Variants in KCNQ2 observed in about 807,000 individuals in gnomAD.
KCNQ2 encodes potassium voltage-gated channel subfamily Q member 2, also known as potassium voltage-gated channel subfamily KQT member 2.
KCNQ2 carries 14 observed loss-of-function variants against 84.8 expected under a neutral mutation model. That is an observed-to-expected ratio of 0.17 (90% CI 0.11 to 0.26). The LOEUF (loss-of-function observed/expected upper bound fraction) is 0.26. Among genes scored for constraint, KCNQ2 ranks in the 10% least tolerant of loss-of-function variants. KCNQ2 has a pLI of 1.00. For missense variants in KCNQ2, 788 were observed against 1,254.0 expected, an observed-to-expected ratio of 0.63 and a Z score of 5.61; for synonymous variants, 599 against 554.1, an observed-to-expected ratio of 1.08 and a Z score of -1.14.
In KCNQ2 at chr20:63,472,488, G is replaced by C. The variant is rs1469956651; in HGVS notation, c.-25C>G. On this transcript the variant is annotated 5_prime_UTR_variant, in exon 1 of 17. Transcript: ENST00000359125. ...TGGTGCCTGGCGGGAGGCGCCCCGG[G>C]TCGGGCTCAGGCTCAGCGGGGGCGG... The C allele has an allele frequency of 1.3e-6, 2 of 1,485,510 alleles. No individual in the cohort carries two copies. The highest frequency in any genetic ancestry group is 1.8e-6 in the Non-Finnish European group (2 of 1,123,676). The allele number at this position is 1,485,510 out of a possible 1,614,324, so 92.0% of individuals were successfully genotyped here. A position where few individuals can be genotyped will look rare whatever the true frequency, so the allele number is the denominator to read the frequency against.
intron 5 of KCNQ2, 50 bp downstream of exon 5, chr20:63,442,356 A>T: frequency 6.2e-7 from 1 of 1,613,380 alleles, no homozygotes; most frequent in Non-Finnish European, 8.5e-7. Context: ...CAGCACAGGG[A>T]CAGGGGTGTA....
At chr20:63,431,242 G>A in intron 9 of KCNQ2, 98 bp downstream of exon 9, 2 of 1,370,884 alleles carry the variant, frequency 1.5e-6, no homozygotes, top group Non-Finnish European at 2.1e-6. Context: ...CTGCAGACCG[G>A]GTGGGCCACG....
chr20:63,406,383 A>C lies in KCNQ2; in HGVS notation c.*261T>G. 2.0e-6 allele frequency: 1 copy of C among 508,736 alleles called. No individual in the cohort carries two copies. The highest frequency in any genetic ancestry group is 3.4e-5 in the Admixed American group (1 of 29,624). 31.5% of individuals were successfully genotyped at this position (508,736 alleles called of 1,614,324 possible). On this transcript the variant is annotated 3_prime_UTR_variant, in exon 17 of 17. Transcript: ENST00000359125. Reference sequence around the variant, plus strand: ...TCGGCCGCGGCCCTGAGCAGAGTGGACAGGGCAGCCTTGCTCCTGCACGCT... The same window carrying C: ...TCGGCCGCGGCCCTGAGCAGAGTGGCCAGGGCAGCCTTGCTCCTGCACGCT...
At chr20:63,453,416 T>C (rs1332734092) in intron 1 of KCNQ2, among the ~76,000 whole-genome samples, 3 of 152,260 alleles carry the variant, frequency 2.0e-5, no homozygotes, top group African/African-American at 7.2e-5. Flanking sequence ...CCTGTGCTCG[T>C]TGGCCAAGTT....
intron 10 of KCNQ2, 144 bp downstream of exon 10, chr20:63,428,220 GCAC>G: frequency 1.5e-6 from 1 of 670,858 alleles, no homozygotes; most frequent in East Asian, 2.7e-5. Context: ...AAAAGAGAAA[GCAC>G]CACCATCACC....
chr20:63,455,683 C>A (rs1236736835), intron 1 of KCNQ2, among the ~76,000 whole-genome samples: 2 of 152,078 alleles, frequency 1.3e-5, no homozygotes, highest in African/African-American at 4.8e-5. Context: ...GCCCCCACCG[C>A]CCAGTTAAGG....
chr20:63,429,350 C>T (rs147302109), intron 9 of KCNQ2, among the ~76,000 whole-genome samples: 1 of 152,188 alleles, frequency 6.6e-6, no homozygotes, highest in East Asian at 1.9e-4. Flanking sequence ...ATCCCATCCA[C>T]GGCCTCCACC....
Position 63,472,553 on chromosome 20 carries a change from G to T in KCNQ2, c.-90C>A. The T allele has an allele frequency of 8.8e-7, 1 of 1,139,698 alleles. No individual in the cohort carries two copies. The highest frequency in any genetic ancestry group is 1.1e-6 in the Non-Finnish European group (1 of 911,160). The allele number at this position is 1,139,698 out of a possible 1,614,324, so 70.6% of individuals were successfully genotyped here. A position where few individuals can be genotyped will look rare whatever the true frequency, so the allele number is the denominator to read the frequency against. On this transcript the variant is annotated 5_prime_UTR_variant, in exon 1 of 17. Transcript: ENST00000359125. ...CGCGGGCCCCAGCCCAGGCCCCCCG[G>T]CCGGGAGCCGCATGGCCGAGGCGGC...
chr20:63,433,972 G>A lies in KCNQ2; in HGVS notation c.1024-69C>T, dbSNP rs1252418097. On this transcript the variant is annotated intron_variant, in intron 7 of 16. Coordinates refer to ENST00000359125, the MANE Select transcript of KCNQ2 (RefSeq NM_172107.4). ...AGGGGCGCGCCCAGGAGGGCCGGGC[G>A]TGGAGGGAACGGGGCAGAGGGGACC... 14 of 1,424,000 alleles carry A rather than the reference G, an allele frequency of 9.8e-6. No individual in the cohort carries two copies. In the East Asian group the frequency reaches 1.8e-4, roughly 19 times the overall value. 88.2% of individuals were successfully genotyped at this position (1,424,000 alleles called of 1,614,324 possible). A position where few individuals can be genotyped will look rare whatever the true frequency, so the allele number is the denominator to read the frequency against.
chr20:63,402,212 T>G lies in KCNQ2; in HGVS notation c.*4432A>C, dbSNP rs1375095509. On this transcript the variant is annotated 3_prime_UTR_variant, in exon 17 of 17. Coordinates refer to ENST00000359125, the MANE Select transcript of KCNQ2 (RefSeq NM_172107.4). ...CCCTCCACAGCAGGTCCAAGCCTCG[T>G]GAGCCGTCCCTCTCACGCCACGTCT... is the stretch of plus-strand genomic sequence containing the variant. 5.8e-6 allele frequency: 1 copy of G among 172,026 alleles called. No individual in the cohort carries two copies. Among genetic ancestry groups the G allele is most frequent in the East Asian group, 1.9e-4 (1 of 5,152 alleles). 10.7% of individuals were successfully genotyped at this position (172,026 alleles called of 1,614,324 possible).
At chr20:63,415,393 AGGGAGGGGGGGAGGCTACCGGGG>A (rs2080263796) in intron 12 of KCNQ2, among the ~76,000 whole-genome samples, 2 of 18,882 alleles carry the variant, frequency 1.1e-4, no homozygotes, top group African/African-American at 2.8e-4. Context: ...ACCCGGCGGG[AGGGAGGGGGGGAGGCTACCGGGG>A]CCGAGCACCC....
At chr20:63,437,152 G>A (rs929661269) in intron 7 of KCNQ2, among the ~76,000 whole-genome samples, 16 of 152,222 alleles carry the variant, frequency 1.1e-4, no homozygotes, top group Middle Eastern at 3.4e-3. Context: ...TATCTCTACC[G>A]TAGTGGTCTG....
intron 11 of KCNQ2, among the ~76,000 whole-genome samples, chr20:63,421,287 C>T (rs922039591): frequency 5.3e-5 from 8 of 152,200 alleles, no homozygotes; most frequent in African/African-American, 1.7e-4. Flanking sequence ...ACCTGAGACT[C>T]GAGAGTGAAT....
At position 63,414,140 on chromosome 20, in the gene KCNQ2, A is replaced by T. The variant is rs757181769; in HGVS notation, c.1579T>A (p.Phe527Ile). Residue 527 changes from phenylalanine to isoleucine, a missense_variant, in exon 14 of 17, where the codon TTT becomes ATT. Transcript: ENST00000359125. This position sits in a 1 kb window ranked among gnomAD's most constrained non-coding sequence, Gnocchi z 6.6. ...IVDDKSCPCE[F>I]VTEDLTPGLK... ...CCCGGGGTCAGGTCCTCGGTCACAA[A>T]CTCGCAGGGGCAGCTCTTGTCATCC... 2.5e-6 allele frequency: 4 copies of T among 1,613,264 alleles called. No individual in the cohort carries two copies. In the East Asian group the frequency reaches 8.9e-5, roughly 36 times the overall value.
At chr20:63,455,133 G>A (rs1030571097) in intron 1 of KCNQ2, among the ~76,000 whole-genome samples, 1 of 152,172 alleles carries the variant, frequency 6.6e-6, no homozygotes, top group Admixed American at 6.5e-5. Context: ...ACGATGGGAG[G>A]ATGGGAGGAC....
At chr20:63,436,518 G>C (rs185171198) in intron 7 of KCNQ2, among the ~76,000 whole-genome samples, 1 of 149,380 alleles carries the variant, frequency 6.7e-6, no homozygotes. Context: ...GCAACAGAGC[G>C]AGACTCCGTC....
chr20:63,415,957 T>G (rs1156468864), intron 12 of KCNQ2, among the ~76,000 whole-genome samples: 2 of 152,138 alleles, frequency 1.3e-5, no homozygotes, highest in African/African-American at 4.8e-5. Context: ...CGGTGGACCC[T>G]TGTTCAGCCA....
chr20:63,456,562 C>T (rs2081804004), intron 1 of KCNQ2, among the ~76,000 whole-genome samples: 1 of 152,186 alleles, frequency 6.6e-6, no homozygotes, highest in Non-Finnish European at 1.5e-5. Context: ...TCAGACAGAG[C>T]CAGGGTTGGG....
In KCNQ2 at chr20:63,438,770, A is replaced by G. The variant is rs949892836; in HGVS notation, c.928-50T>C. ...CACCCCAGGGACCCCCCACACCCCA[A>G]TTCATCAGGGTCAGACCATGCTCTG... On this transcript the variant is annotated intron_variant, in intron 6 of 16. Transcript: ENST00000359125. This position sits in a 1 kb window ranked among gnomAD's most constrained non-coding sequence, Gnocchi z 5.1. 1.3e-5 allele frequency: 20 copies of G among 1,482,024 alleles called. No individual in the cohort carries two copies. Among genetic ancestry groups the G allele is most frequent in the Non-Finnish European group, 1.8e-5 (19 of 1,081,748 alleles). 91.8% of individuals were successfully genotyped at this position (1,482,024 alleles called of 1,614,324 possible).
Sources: gnomAD v4.1 joint callset for allele counts (sites outside exome capture counted in the v4.1 genomes callset) on GRCh38, gnomAD v4.1.1 for gene constraint, Gnocchi (gnomAD v3.1) non-coding constraint, MANE v1.5 for transcripts, NCBI Gene and HGNC (gene_info 2026-07-23, HGNC 2026-07-21) for gene names.